DDR2: variants seen among roughly 807,000 people sequenced by gnomAD.
The protein encoded by DDR2 is discoidin domain receptor tyrosine kinase 2, also known as discoidin domain-containing receptor 2.
Under a neutral mutation model 94.9 loss-of-function variants are expected in DDR2, and 27 were observed. The ratio of observed to expected loss-of-function variants is 0.28; its 90% CI spans 0.21 to 0.39. DDR2 has a LOEUF of 0.39. Among genes scored for constraint, DDR2 ranks in the 10% least tolerant of loss-of-function variants. DDR2 has a pLI of 1.00. For synonymous variants in DDR2, 382 were observed against 377.2 expected, an observed-to-expected ratio of 1.01 and a Z score of -0.15; for missense variants, 783 against 1,076.0, an observed-to-expected ratio of 0.73 and a Z score of 3.81.
chr1:162,686,591 C>T (rs1207880887), intron 2 of DDR2, among the ~76,000 whole-genome samples: 1 of 152,148 alleles, frequency 6.6e-6, no homozygotes, highest in Non-Finnish European at 1.5e-5. Context: ...TATATATGTG[C>T]CACATTTTCT....
intron 7 of DDR2, 43 bp from the exon 8 acceptor site, chr1:162,759,753 A>G: frequency 6.2e-7 from 1 of 1,611,660 alleles, no homozygotes; most frequent in Non-Finnish European, 8.5e-7. Flanking sequence ...TGGTTAACTC[A>G]GATTTCTCTC....
intron 2 of DDR2, among the ~76,000 whole-genome samples, chr1:162,664,195 TATTA>T (rs1401825854): frequency 2.0e-5 from 3 of 152,132 alleles, no homozygotes; most frequent in Admixed American, 6.6e-5. Context: ...ATTAAATATT[TATTA>T]ATTAAAGATA....
chr1:162,730,920 G>A (rs756568683), intron 3 of DDR2, among the ~76,000 whole-genome samples: 21 of 152,264 alleles, frequency 1.4e-4, no homozygotes, highest in Middle Eastern at 3.4e-3. Context: ...CGTAGAGACC[G>A]TCTGCTAGTG....
chr1:162,651,270 C>T (rs1657675153), intron 1 of DDR2, among the ~76,000 whole-genome samples: 2 of 152,194 alleles, frequency 1.3e-5, no homozygotes, highest in Non-Finnish European at 2.9e-5. Flanking sequence ...CAATCATCTT[C>T]CAGCTTCCAG....
chr1:162,673,716 C>T (rs992609752), intron 2 of DDR2, among the ~76,000 whole-genome samples: 2 of 150,580 alleles, frequency 1.3e-5, no homozygotes, highest in Non-Finnish European at 2.9e-5. Context: ...TTTCCCTTCA[C>T]CTACAGCACT....
chr1:162,741,764 T>C (rs1662624921), intron 3 of DDR2: 1 of 985,206 alleles, frequency 1.0e-6, no homozygotes, highest in Non-Finnish European at 1.2e-6. Flanking sequence ...TAAATGCCAA[T>C]GTGAGCGTTC....
chr1:162,661,682 G>A (rs1658302197), intron 2 of DDR2, among the ~76,000 whole-genome samples: 1 of 152,204 alleles, frequency 6.6e-6, no homozygotes, highest in South Asian at 2.1e-4. Flanking sequence ...GAGGAGGGAG[G>A]TGGGACCCGT....
rs1259270224 is a variant in DDR2, at chr1:162,786,107, T to C, written c.*5861T>C. On this transcript the variant is annotated 3_prime_UTR_variant, in exon 18 of 18. Coordinates refer to ENST00000367921, the MANE Select transcript of DDR2 (RefSeq NM_006182.4). ...TTGCAGAGACTCAAGGGAAGCACAA[T>C]GGGATAAGGTAATCACTTTCAGTGA... 1 of 152,172 alleles carries C rather than the reference T, an allele frequency of 6.6e-6. No homozygotes were observed. The highest frequency in any genetic ancestry group is 6.5e-5 in the Admixed American group (1 of 15,276). The allele number at this position is 152,172 out of a possible 1,614,324, so 9.4% of individuals were successfully genotyped here.
intron 1 of DDR2, among the ~76,000 whole-genome samples, chr1:162,639,231 T>C (rs747958163): frequency 6.6e-6 from 1 of 152,212 alleles, no homozygotes; most frequent in Non-Finnish European, 1.5e-5. Flanking sequence ...AGTACCTGAC[T>C]TCAAGGCTTA....
intron 3 of DDR2, among the ~76,000 whole-genome samples, chr1:162,744,164 A>G (rs1350306357): frequency 3.9e-5 from 6 of 152,222 alleles, no homozygotes; most frequent in Admixed American, 2.0e-4. Context: ...CTGTAAAAAC[A>G]TTTAATGAGA....
intron 2 of DDR2, among the ~76,000 whole-genome samples, chr1:162,701,580 T>G (rs941197318): frequency 6.6e-6 from 1 of 152,228 alleles, no homozygotes; most frequent in African/African-American, 2.4e-5. Flanking sequence ...ACACATAGAT[T>G]ATTAAAACTG....
chr1:162,765,929 C>A, intron 9 of DDR2, 72 bp from the exon 10 acceptor site: 1 of 1,421,774 alleles, frequency 7.0e-7, no homozygotes, highest in Non-Finnish European at 9.9e-7. Context: ...TGCTAGGTCA[C>A]AATATGCCTT....
intron 2 of DDR2, among the ~76,000 whole-genome samples, chr1:162,683,652 G>A (rs1036350950): frequency 6.6e-6 from 1 of 151,710 alleles, no homozygotes; most frequent in Non-Finnish European, 1.5e-5. Context: ...TATTATGTAA[G>A]TTTAAATATA....
intron 3 of DDR2, among the ~76,000 whole-genome samples, chr1:162,722,878 C>G (rs1039873): frequency 0.83 from 126,212 of 152,098 alleles, 53,532 homozygotes; most frequent in Non-Finnish European, 0.92. Context: ...TGGAAGATTT[C>G]GGCTTGGAAG....
intron 2 of DDR2, 126 bp from the exon 3 acceptor site, chr1:162,718,911 T>G: frequency 1.1e-6 from 1 of 927,236 alleles, no homozygotes; most frequent in South Asian, 1.4e-5. Context: ...GTCCCATATA[T>G]AAAAACAAAC....
intron 3 of DDR2, among the ~76,000 whole-genome samples, chr1:162,748,570 C>G (rs374610135): frequency 6.6e-6 from 1 of 152,034 alleles, no homozygotes; most frequent in Non-Finnish European, 1.5e-5. Context: ...ATTTTAACAC[C>G]CCACTGTCAA....
In DDR2 at chr1:162,754,676, C is replaced by A; in HGVS notation, c.238C>A (p.Pro80Thr). 1.9e-6 allele frequency: 3 copies of A among 1,614,106 alleles called. No individual in the cohort carries two copies. Among genetic ancestry groups the A allele is most frequent in the Non-Finnish European group, 2.5e-6 (3 of 1,180,016 alleles). ...GAWCPEIPVEPDDLKEFLQID... is the reference protein window; with the variant it reads ...GAWCPEIPVETDDLKEFLQID... Reference sequence around the variant, plus strand: ...CTGGTGCCCTGAGATTCCAGTGGAACCTGATGACCTGAAGGAGTTTCTGCA... The same window carrying A: ...CTGGTGCCCTGAGATTCCAGTGGAAACTGATGACCTGAAGGAGTTTCTGCA... Residue 80 changes from proline (P) to threonine (T), a missense_variant, in exon 5 of 18, where the codon CCT becomes ACT. Coordinates refer to ENST00000367921, the MANE Select transcript of DDR2 (RefSeq NM_006182.4).
At chr1:162,633,649 T>C (rs943654675) in intron 1 of DDR2, among the ~76,000 whole-genome samples, 2 of 152,242 alleles carry the variant, frequency 1.3e-5, no homozygotes, top group African/African-American at 4.8e-5. Context: ...TTCATTTCCT[T>C]TTTAAGGCTT....
At chr1:162,746,354 C>A (rs908963739) in intron 3 of DDR2, among the ~76,000 whole-genome samples, 1 of 152,212 alleles carries the variant, frequency 6.6e-6, no homozygotes, top group Admixed American at 6.5e-5. Flanking sequence ...CCCACGCCCA[C>A]GGAGCCTTGC....
Sources: gnomAD v4.1 joint callset for allele counts (sites outside exome capture counted in the v4.1 genomes callset) on GRCh38, gnomAD v4.1.1 for gene constraint, MANE v1.5 for transcripts, NCBI Gene and HGNC (gene_info 2026-07-23, HGNC 2026-07-21) for gene names.